CYTH3: variants seen among roughly 807,000 people sequenced by gnomAD.
CYTH3 encodes cytohesin-3.
A neutral mutation model predicts 55.1 loss-of-function variants in CYTH3; 23 were observed. The observed-to-expected ratio is 0.42, with a 90% CI of 0.30 to 0.59. The LOEUF (loss-of-function observed/expected upper bound fraction) is 0.59. Ranked by LOEUF, CYTH3 falls within the 20% of genes least tolerant of loss-of-function variation. CYTH3 has a pLI of 0.20. For synonymous variants in CYTH3, 249 were observed against 194.9 expected (o/e 1.28, Z -2.31); for missense variants, 413 against 524.8 (o/e 0.79, Z 2.08).
At chr7:6,239,742 G>A (rs554430583) in intron 1 of CYTH3, among the ~76,000 whole-genome samples, 1 of 152,068 alleles carries the variant, frequency 6.6e-6, no homozygotes, top group Non-Finnish European at 1.5e-5. Context: ...AGACACTAAA[G>A]TAGAAAAGAA....
At chr7:6,243,432 A>G (rs1779724058) in intron 1 of CYTH3, among the ~76,000 whole-genome samples, 1 of 152,160 alleles carries the variant, frequency 6.6e-6, no homozygotes, top group East Asian at 1.9e-4. Flanking sequence ...GGGGGTGGGG[A>G]AGCAATGTAA....
rs1783773156 is a variant in CYTH3 at position 6,190,434 on chromosome 7, T to TG, written c.117+14_117+15insC. The TG allele has an allele frequency of 1.4e-6, 2 of 1,479,468 alleles. No homozygotes were observed. The highest frequency in any genetic ancestry group is 8.9e-7 in the Non-Finnish European group (1 of 1,128,404). 91.6% of individuals were successfully genotyped at this position (1,479,468 alleles called of 1,614,324 possible). ...ACAGAGTTTTGGATTTTTGGTTTTTTTTTTTTTTTTTTACCTCAATGTCAT... is the reference window on the plus strand; with the variant it reads ...ACAGAGTTTTGGATTTTTGGTTTTTTGTTTTTTTTTTTTACCTCAATGTCAT... On this transcript the variant is annotated intron_variant, in intron 2 of 12. Transcript: ENST00000350796.
chr7:6,165,451 GGC>G, intron 11 of CYTH3, 24 bp from the exon 12 acceptor site: 1 of 1,609,408 alleles, frequency 6.2e-7, no homozygotes, highest in Non-Finnish European at 8.5e-7. Context: ...AGAGAGGGGA[GGC>G]GGTCAGGGGG....
At chr7:6,198,094 G>GAAAAAAAAAAAAAAAAAGGA (rs76022025) in intron 1 of CYTH3, among the ~76,000 whole-genome samples, 2 of 48,706 alleles carry the variant, frequency 4.1e-5, no homozygotes, top group Admixed American at 2.2e-4. Flanking sequence ...ACACTCTTAA[G>GAAAAAAAAAAAAAAAAAGGA]AAAAAAAAAA....
chr7:6,206,511 T>TGGA (rs1784191758), intron 1 of CYTH3, among the ~76,000 whole-genome samples: 1 of 152,252 alleles, frequency 6.6e-6, no homozygotes, highest in Non-Finnish European at 1.5e-5. Flanking sequence ...ATGTTGCACA[T>TGGA]GGCTATTTCA....
intron 1 of CYTH3, among the ~76,000 whole-genome samples, chr7:6,244,999 T>TTTTTTTTTTTTTTTTTTG (rs1197376395): frequency 7.5e-6 from 1 of 133,244 alleles, no homozygotes; most frequent in Non-Finnish European, 1.6e-5. Flanking sequence ...TTTTTGTATT[T>TTTTTTTTTTTTTTTTTTG]TTAGTAGAGA....
At chr7:6,190,819 G>A (rs1043395180) in intron 1 of CYTH3, among the ~76,000 whole-genome samples, 1 of 150,746 alleles carries the variant, frequency 6.6e-6, no homozygotes, top group Non-Finnish European at 1.5e-5. Flanking sequence ...GCTCATGCCT[G>A]TAATCCCAGC....
intron 1 of CYTH3, among the ~76,000 whole-genome samples, chr7:6,236,800 T>C (rs951735720): frequency 8.6e-5 from 13 of 151,598 alleles, no homozygotes; most frequent in Admixed American, 2.0e-4. Flanking sequence ...TGACCTCAAG[T>C]GATCCACCCG....
chr7:6,258,688 C>A (rs1780197946), intron 1 of CYTH3, among the ~76,000 whole-genome samples: 1 of 152,192 alleles, frequency 6.6e-6, no homozygotes, highest in East Asian at 1.9e-4. Context: ...GAGAAATAAA[C>A]TGGTTGTTCA....
intron 6 of CYTH3, chr7:6,173,156 C>G: frequency 1.3e-6 from 1 of 768,908 alleles, no homozygotes; most frequent in African/African-American, 1.9e-5. Flanking sequence ...AGACAACTTC[C>G]TGCTTGCAGA....
chr7:6,189,564 C>G (rs1343626903), intron 2 of CYTH3, among the ~76,000 whole-genome samples: 1 of 151,968 alleles, frequency 6.6e-6, no homozygotes, highest in African/African-American at 2.4e-5. Flanking sequence ...CTGCCTTGGC[C>G]TCCCAAAGTG....
rs182197286 is a variant in CYTH3 at position 6,245,920 on chromosome 7, G to A, written c.34+26554C>T. 1.2e-4 allele frequency among the ~76,000 whole-genome samples: 18 copies of A among 152,170 alleles called. No individual in the cohort carries two copies. The East Asian group carries it at 2.7e-3, about 23-fold the overall frequency. ...ACTCTTTTTTATTTTTTTTGAGACCGAGTTTGGGGAGGAATCACAAATGAT... is the reference window on the plus strand; with the variant it reads ...ACTCTTTTTTATTTTTTTTGAGACCAAGTTTGGGGAGGAATCACAAATGAT... On this transcript the variant is annotated intron_variant, in intron 1 of 12. Transcript: ENST00000350796.
chr7:6,201,499 G>C (rs1336870962), intron 1 of CYTH3, among the ~76,000 whole-genome samples: 1 of 152,148 alleles, frequency 6.6e-6, no homozygotes, highest in Non-Finnish European at 1.5e-5. Flanking sequence ...GACACAAACT[G>C]GAGTTGGCCA....
At chr7:6,262,556 G>A (rs1290254146) in intron 1 of CYTH3, among the ~76,000 whole-genome samples, 2 of 152,264 alleles carry the variant, frequency 1.3e-5, no homozygotes, top group East Asian at 1.9e-4. Flanking sequence ...CCAGAAAGCA[G>A]TAAAACTACC....
intron 1 of CYTH3, among the ~76,000 whole-genome samples, chr7:6,246,159 C>G (rs560374664): frequency 6.6e-6 from 1 of 151,982 alleles, no homozygotes; most frequent in South Asian, 2.1e-4. Flanking sequence ...CAGCTCACTG[C>G]GGCCTCAAAC....
rs973524865 is a variant in CYTH3, at chr7:6,165,960, C to G, written c.824-150G>C. 9.6e-6 allele frequency: 7 copies of G among 730,390 alleles called. No individual in the cohort carries two copies. The Admixed American group carries it at 1.3e-4, about 13-fold the overall frequency. The allele number at this position is 730,390 out of a possible 1,614,324, so 45.2% of individuals were successfully genotyped here. ...TTCAGGTGTCCTTCAGCGTTCCCAC[C>G]GCAGGGCCCCACATGCACCCACCCC... On this transcript the variant is annotated intron_variant, in intron 9 of 12. Coordinates refer to ENST00000350796, the MANE Select transcript of CYTH3 (RefSeq NM_004227.4).
chr7:6,198,593 A>T lies in CYTH3; in HGVS notation c.35-8062T>A, dbSNP rs370558153. 4.1e-4 allele frequency among the ~76,000 whole-genome samples: 62 copies of T among 152,322 alleles called. 3 individuals are homozygous for T. The South Asian group carries it at 0.012, about 31-fold the overall frequency. On this transcript the variant is annotated intron_variant, in intron 1 of 12. Coordinates refer to ENST00000350796, the MANE Select transcript of CYTH3 (RefSeq NM_004227.4). The stretch of plus-strand genomic sequence containing the variant: ...TTGGATTCACTTATTGACATCATGT[A>T]TGTTTTGTTACTTGGACTCTGTTAG...
chr7:6,190,877 G>C (rs1199532850), intron 1 of CYTH3, among the ~76,000 whole-genome samples: 1 of 151,938 alleles, frequency 6.6e-6, no homozygotes, highest in Non-Finnish European at 1.5e-5. Flanking sequence ...AGGAGTTTGA[G>C]ACCAGCCTGG....
chr7:6,199,852 G>A (rs1784019316), intron 1 of CYTH3, among the ~76,000 whole-genome samples: 1 of 152,098 alleles, frequency 6.6e-6, no homozygotes, highest in Non-Finnish European at 1.5e-5. Flanking sequence ...AGGTTGGGAG[G>A]GAGAAAGGAA....
Sources: gnomAD v4.1 joint callset for allele counts (sites outside exome capture counted in the v4.1 genomes callset) on GRCh38, gnomAD v4.1.1 for gene constraint, MANE v1.5 for transcripts, NCBI Gene and HGNC (gene_info 2026-07-23, HGNC 2026-07-21) for gene names.